SUGCT: variants seen among roughly 807,000 people sequenced by gnomAD.
SUGCT encodes the protein succinyl-CoA:glutarate CoA-transferase.
Under a neutral mutation model 55.0 loss-of-function variants are expected in SUGCT, and 41 were observed. That is an observed-to-expected ratio of 0.74 (90% CI 0.58 to 0.97). SUGCT has a LOEUF of 0.97. Ranked by LOEUF, SUGCT falls within the 50% of genes least tolerant of loss-of-function variation. The probability of loss-of-function intolerance (pLI) is 0.00; values close to 1 mark genes in which losing one functional copy is unlikely to be tolerated. For synonymous variants in SUGCT, 187 were observed against 200.4 expected (o/e 0.93, Z 0.56); for missense variants, 568 against 547.8 (o/e 1.04, Z -0.37).
chr7:40,388,835 A>G (rs1009166041), intron 9 of SUGCT, among the ~76,000 whole-genome samples: 3 of 152,218 alleles, frequency 2.0e-5, no homozygotes, highest in African/African-American at 7.2e-5. Context: ...TTGGATTTGG[A>G]TAATTCATAA....
chr7:40,620,994 G>A (rs1419557863), intron 12 of SUGCT, among the ~76,000 whole-genome samples: 1 of 152,070 alleles, frequency 6.6e-6, no homozygotes, highest in Non-Finnish European at 1.5e-5. Context: ...ACAGAGAGAG[G>A]AGGATGTTTT....
chr7:40,291,958 A>G (rs1793808284), intron 8 of SUGCT, among the ~76,000 whole-genome samples: 1 of 152,208 alleles, frequency 6.6e-6, no homozygotes, highest in African/African-American at 2.4e-5. Context: ...CTTTGTCGAC[A>G]CCTTGACATT....
At chr7:40,682,892 G>A (rs117093650) in intron 12 of SUGCT, among the ~76,000 whole-genome samples, 1,640 of 152,132 alleles carry the variant, frequency 0.011, 13 homozygotes, top group Non-Finnish European at 0.017. Context: ...GTCTCCCAAA[G>A]GAAAAGATAT....
chr7:40,471,393 A>AT (rs1790396091), intron 11 of SUGCT, among the ~76,000 whole-genome samples: 1 of 151,880 alleles, frequency 6.6e-6, no homozygotes, highest in Non-Finnish European at 1.5e-5. Flanking sequence ...TATATAAGTT[A>AT]TAGAGTTAAG....
At chr7:40,798,606 G>T (rs1275485828) in intron 13 of SUGCT, among the ~76,000 whole-genome samples, 1 of 152,168 alleles carries the variant, frequency 6.6e-6, no homozygotes, top group Non-Finnish European at 1.5e-5. Flanking sequence ...ACACATTGGT[G>T]TCTTGGGTTT....
At chr7:40,818,337 T>A (rs1488824297) in intron 13 of SUGCT, among the ~76,000 whole-genome samples, 1 of 152,232 alleles carries the variant, frequency 6.6e-6, no homozygotes, top group Admixed American at 6.5e-5. Flanking sequence ...TATCCCCATG[T>A]TTCTAATTAG....
chr7:40,684,219 T>G, intron 12 of SUGCT: 1 of 1,480,778 alleles, frequency 6.8e-7, no homozygotes, highest in Non-Finnish European at 9.0e-7. Context: ...TCAAGGTTTG[T>G]GACCTTAATT....
At chr7:40,383,195 C>T (rs1453752223) in intron 9 of SUGCT, among the ~76,000 whole-genome samples, 2 of 152,052 alleles carry the variant, frequency 1.3e-5, no homozygotes, top group African/African-American at 2.4e-5. Context: ...CTTGTGTTTC[C>T]TCTGTTTGAA....
intron 9 of SUGCT, among the ~76,000 whole-genome samples, chr7:40,385,491 T>A (rs2151290740): frequency 6.6e-6 from 1 of 152,254 alleles, no homozygotes; most frequent in Admixed American, 6.5e-5. Context: ...AAGATATAAT[T>A]GCTCGTAAGA....
intron 12 of SUGCT, among the ~76,000 whole-genome samples, chr7:40,721,902 A>C (rs1289732325): frequency 2.6e-5 from 4 of 152,220 alleles, no homozygotes; most frequent in Admixed American, 6.5e-5. Context: ...AGACTTTTAG[A>C]GTTGGACACA....
At chr7:40,572,436 T>C (rs554593672) in intron 12 of SUGCT, among the ~76,000 whole-genome samples, 1 of 152,210 alleles carries the variant, frequency 6.6e-6, no homozygotes, top group Admixed American at 6.5e-5. Context: ...GTCAGAGCTT[T>C]CTGGGATCTA....
At chr7:41,022,471 T>A in the SUGCT span, among the ~76,000 whole-genome samples, 2 of 152,144 alleles carry the variant, frequency 1.3e-5, no homozygotes. Context: ...TTAAATTAGA[T>A]GAGAATTAAC....
At chr7:40,266,878 G>A (rs1390380573) in intron 7 of SUGCT, among the ~76,000 whole-genome samples, 1 of 151,974 alleles carries the variant, frequency 6.6e-6, no homozygotes, top group Non-Finnish European at 1.5e-5. Context: ...AGCCGGGCAT[G>A]GTGACATGCA....
intron 1 of SUGCT, among the ~76,000 whole-genome samples, chr7:40,137,438 A>G (rs1334763976): frequency 6.6e-6 from 1 of 152,016 alleles, no homozygotes; most frequent in Non-Finnish European, 1.5e-5. Context: ...CCAACCAACA[A>G]ATTAATTTAA....
intron 6 of SUGCT, among the ~76,000 whole-genome samples, chr7:40,212,687 A>G (rs1787410222): frequency 1.3e-5 from 2 of 152,088 alleles, no homozygotes; most frequent in South Asian, 4.1e-4. Context: ...GGTTTGTGCC[A>G]CCGCATCCAG....
Position 40,537,463 on chromosome 7 carries a change from A to G in SUGCT, c.1089+41077A>G, listed in dbSNP as rs1234704328. On this transcript the variant is annotated intron_variant, in intron 12 of 13. Transcript: ENST00000335693. ...ACTAATTACTTGAACATAATTCTGA[A>G]TACATACCATGCTCAATTCTAGTGT... Among the ~76,000 whole-genome samples the G allele has an allele frequency of 5.3e-5, 8 of 152,308 alleles. No individual in the cohort carries two copies. The East Asian group carries it at 1.3e-3, about 26-fold the overall frequency.
At chr7:40,889,186 G>A in the SUGCT span, among the ~76,000 whole-genome samples, 4 of 152,166 alleles carry the variant, frequency 2.6e-5, no homozygotes, top group Admixed American at 6.5e-5. Flanking sequence ...TGGTAAAAGC[G>A]TGGACCCTGG....
chr7:40,574,912 C>T (rs1270676007), intron 12 of SUGCT, among the ~76,000 whole-genome samples: 1 of 152,142 alleles, frequency 6.6e-6, no homozygotes, highest in Non-Finnish European at 1.5e-5. Context: ...TGTATAGATA[C>T]AGAAACAGCA....
At chr7:40,469,340 G>T (rs1790286879) in intron 11 of SUGCT, among the ~76,000 whole-genome samples, 2 of 152,192 alleles carry the variant, frequency 1.3e-5, no homozygotes, top group South Asian at 4.1e-4. Flanking sequence ...TTGGATAAAT[G>T]GATCTGATGT....
Sources: allele counts gnomAD v4.1 joint callset (sites outside exome capture counted in the v4.1 genomes callset), GRCh38; gene constraint gnomAD v4.1.1; transcripts MANE v1.5; gene names NCBI Gene and HGNC (gene_info 2026-07-23, HGNC 2026-07-21).